The following ZBTB38 variants were observed in gnomAD, a reference collection of about 807,000 sequenced individuals.
ZBTB38 encodes zinc finger and BTB domain containing 38, also known as zinc finger and BTB domain-containing protein 38.
Under a neutral mutation model 76.8 loss-of-function variants are expected in ZBTB38, and 20 were observed. The ratio of observed to expected loss-of-function variants is 0.26; its 90% CI spans 0.18 to 0.38. ZBTB38 has a LOEUF of 0.38. Ranked by LOEUF, ZBTB38 falls within the 10% of genes least tolerant of loss-of-function variation. ZBTB38 has a pLI of 1.00. For missense variants in ZBTB38, 1,082 were observed against 1,482.3 expected, an observed-to-expected ratio of 0.73 and a Z score of 4.43; for synonymous variants, 504 against 544.2, an observed-to-expected ratio of 0.93 and a Z score of 1.03.
rs747290360 is a variant in ZBTB38, at chr3:141,340,949, G to GGAAGGAAAGAAAGAAAGAAA, written c.-739+16496_-739+16497insGGAAAGAAAGAAAGAAAGAA. On this transcript the variant is annotated intron_variant, in intron 1 of 7. Coordinates refer to the ZBTB38 transcript ENST00000509842. ...GGAAAAAAGAAAAGAAAAGAAAGAA[G>GGAAGGAAAGAAAGAAAGAAA]GAAAGAAAGAAAGAAAGAAAGAAAG... is the stretch of plus-strand genomic sequence containing the variant. Among the ~76,000 whole-genome samples, 265 of 111,970 alleles carry GGAAGGAAAGAAAGAAAGAAA rather than the reference G, an allele frequency of 2.4e-3. 3 individuals are homozygous for GGAAGGAAAGAAAGAAAGAAA. The highest frequency in any genetic ancestry group is 0.01 in the African/African-American group (249 of 24,210). The allele number at this position is 111,970 out of a possible 152,430, so 73.5% of individuals were successfully genotyped here. A position where few individuals can be genotyped will look rare whatever the true frequency, so the allele number is the denominator to read the frequency against.
intron 1 of ZBTB38, among the ~76,000 whole-genome samples, chr3:141,330,908 C>A (rs758769967): frequency 6.6e-6 from 1 of 152,208 alleles, no homozygotes; most frequent in Admixed American, 6.5e-5. Context: ...AGATGTGACC[C>A]CTCAACCTGG....
intron 4 of ZBTB38, among the ~76,000 whole-genome samples, chr3:141,401,380 CCTTTT>C (rs1298925430): frequency 1.9e-5 from 2 of 103,248 alleles, no homozygotes; most frequent in Non-Finnish European, 1.7e-5. Context: ...CAAAACTCTT[CCTTTT>C]ATTTTTAAAT....
intron 1 of ZBTB38, among the ~76,000 whole-genome samples, chr3:141,340,946 G>GA (rs1185608672): frequency 4.2e-4 from 18 of 42,970 alleles, no homozygotes; most frequent in African/African-American, 2.2e-3. Flanking sequence ...AGAAAAGAAA[G>GA]AAGGAAAGAA....
intron 5 of ZBTB38, among the ~76,000 whole-genome samples, chr3:141,433,330 T>TG (rs1268847920): frequency 2.6e-5 from 4 of 151,450 alleles, no homozygotes; most frequent in Non-Finnish European, 4.4e-5. Flanking sequence ...TGTTTTGTTT[T>TG]TTTTTGTTTT....
At chr3:141,411,702 G>GA (rs1159172547) in intron 5 of ZBTB38, among the ~76,000 whole-genome samples, 2 of 151,872 alleles carry the variant, frequency 1.3e-5, no homozygotes, top group East Asian at 1.9e-4. Flanking sequence ...ACTAGGGAAA[G>GA]AAAAAAAACC....
At chr3:141,401,784 GAAGA>G (rs1213200934) in intron 4 of ZBTB38, among the ~76,000 whole-genome samples, 1 of 152,204 alleles carries the variant, frequency 6.6e-6, no homozygotes, top group Non-Finnish European at 1.5e-5. Context: ...CTGGATCTTG[GAAGA>G]AAGATGCCAG....
intron 5 of ZBTB38, among the ~76,000 whole-genome samples, chr3:141,416,185 T>C (rs990835868): frequency 7.9e-5 from 12 of 152,150 alleles, no homozygotes; most frequent in Non-Finnish European, 1.3e-4. Flanking sequence ...ACTAGGGTGG[T>C]GAGAAAAGGG....
At chr3:141,352,361 A>T (rs1384786385) in intron 1 of ZBTB38, among the ~76,000 whole-genome samples, 2 of 152,076 alleles carry the variant, frequency 1.3e-5, no homozygotes, top group Non-Finnish European at 2.9e-5. Flanking sequence ...GTATGTATAG[A>T]CTATGAAAGA....
chr3:141,348,261 G>A (rs1460538979), intron 1 of ZBTB38, among the ~76,000 whole-genome samples: 1 of 152,146 alleles, frequency 6.6e-6, no homozygotes, highest in Non-Finnish European at 1.5e-5. Flanking sequence ...ATAAGCCCGT[G>A]AATAATTGTT....
intron 5 of ZBTB38, among the ~76,000 whole-genome samples, chr3:141,421,525 T>C (rs571933449): frequency 8.5e-5 from 13 of 152,128 alleles, no homozygotes; most frequent in South Asian, 2.1e-4. Flanking sequence ...TTTTTGTTGA[T>C]ATAAGGGAGT....
At chr3:141,429,900 G>A (rs2077117998) in intron 5 of ZBTB38, among the ~76,000 whole-genome samples, 1 of 152,168 alleles carries the variant, frequency 6.6e-6, no homozygotes, top group Admixed American at 6.6e-5. Flanking sequence ...CGCAAGGAGT[G>A]CAGTGGGAGG....
Position 141,445,447 on chromosome 3 carries a change from A to G in ZBTB38, c.3059A>G (p.Gln1020Arg). 1 of 1,614,196 alleles carries G rather than the reference A, an allele frequency of 6.2e-7. No homozygotes were observed. Among genetic ancestry groups the G allele is most frequent in the African/African-American group, 1.3e-5 (1 of 75,048 alleles). Residue 1020 changes from glutamine to arginine, a missense_variant, in exon 6 of 6, where the codon CAG becomes CGG. By Grantham distance (43) the Gln-to-Arg change is conservative. Around this residue, in one of 8 missense-constraint regions of ZBTB38, gnomAD observed 471 missense variants for 581.0 expected, o/e 0.81. Transcript: ENST00000321464. This position sits in a 1 kb window ranked among gnomAD's most constrained non-coding sequence, Gnocchi z 6.5. ...YACELCAKQF[Q>R]SPSTLKMHMR... ...TGCGAGCTCTGCGCCAAGCAGTTCC[A>G]GAGCCCTTCCACACTCAAAATGCAC...
At chr3:141,330,788 A>C (rs1380391205) in intron 1 of ZBTB38, among the ~76,000 whole-genome samples, 2 of 152,222 alleles carry the variant, frequency 1.3e-5, no homozygotes, top group African/African-American at 4.8e-5. Flanking sequence ...GGGTTATCAC[A>C]GGAGGGGAAC....
At chr3:141,411,489 A>G (rs2149848672) in intron 5 of ZBTB38, among the ~76,000 whole-genome samples, 1 of 152,340 alleles carries the variant, frequency 6.6e-6, no homozygotes, top group East Asian at 1.9e-4. Context: ...TGGCTGAACC[A>G]TGCCTTCTGT....
At chr3:141,361,052 C>T (rs574777354) in intron 1 of ZBTB38, among the ~76,000 whole-genome samples, 41 of 152,282 alleles carry the variant, frequency 2.7e-4, no homozygotes, top group Admixed American at 2.6e-3. Flanking sequence ...CTCTGCTACA[C>T]AAAGGACAAA....
intron 1 of ZBTB38, among the ~76,000 whole-genome samples, chr3:141,344,489 C>T (rs920279301): frequency 5.3e-5 from 8 of 152,216 alleles, no homozygotes; most frequent in African/African-American, 1.9e-4. Context: ...TTGCCTCAGC[C>T]TCCTGAATAA....
At chr3:141,426,204 C>G (rs16851423) in intron 5 of ZBTB38, 30,288 of 1,288,888 alleles carry the variant, frequency 0.023, 703 homozygotes, top group Admixed American at 0.12. Context: ...AAGTCACAGG[C>G]CAGGTCGTGC....
At chr3:141,394,900 T>C in intron 4 of ZBTB38, among the ~76,000 whole-genome samples, 1 of 152,136 alleles carries the variant, frequency 6.6e-6, no homozygotes, top group Non-Finnish European at 1.5e-5. Flanking sequence ...CTTCTTAAGG[T>C]CTCTCGGAGA....
intron 1 of ZBTB38, among the ~76,000 whole-genome samples, chr3:141,336,904 T>C (rs1035557787): frequency 1.3e-5 from 2 of 152,208 alleles, no homozygotes; most frequent in African/African-American, 4.8e-5. Flanking sequence ...TGAGAATCAC[T>C]AGGCAGGGAA....
Sources: gnomAD v4.1 joint callset for allele counts (sites outside exome capture counted in the v4.1 genomes callset) on GRCh38, gnomAD v4.1.1 for gene constraint, gnomAD v4.1.1 regional missense constraint, Gnocchi (gnomAD v3.1) non-coding constraint, MANE v1.5 for transcripts, NCBI Gene and HGNC (gene_info 2026-07-23, HGNC 2026-07-21) for gene names.